Variants in RIMS1 observed in about 807,000 individuals in gnomAD.
The protein encoded by RIMS1 is regulating synaptic membrane exocytosis protein 1.
In RIMS1, 83 loss-of-function variants were observed where a neutral mutation model predicts 214.1. The ratio of observed to expected loss-of-function variants is 0.39; its 90% CI spans 0.32 to 0.47. RIMS1 has a LOEUF of 0.47. RIMS1 is among the 20% of genes least tolerant of loss of function. The probability of loss-of-function intolerance (pLI) is 0.99; values close to 1 mark genes in which losing one functional copy is unlikely to be tolerated. For synonymous variants in RIMS1, 793 were observed against 786.8 expected (o/e 1.01, Z -0.13); for missense variants, 2,050 against 2,161.8 (o/e 0.95, Z 1.03).
chr6:72,052,741 T>C (rs1376823114), intron 2 of RIMS1, among the ~76,000 whole-genome samples: 1 of 152,218 alleles, frequency 6.6e-6, no homozygotes, highest in Non-Finnish European at 1.5e-5. Context: ...CATCTATTTT[T>C]TGCGTATGTG....
At chr6:72,340,235 G>T (rs1263649074) in intron 29 of RIMS1, among the ~76,000 whole-genome samples, 2 of 152,030 alleles carry the variant, frequency 1.3e-5, no homozygotes, top group East Asian at 3.9e-4. Context: ...TCTGTAGGTT[G>T]CCTGTTCACT....
intron 2 of RIMS1, among the ~76,000 whole-genome samples, chr6:72,034,159 A>T (rs1371171986): frequency 6.6e-6 from 1 of 152,168 alleles, no homozygotes; most frequent in Non-Finnish European, 1.5e-5. Flanking sequence ...AAAAAATTAC[A>T]AGTACCCAGT....
rs1245972773 is a variant in RIMS1, at chr6:72,182,992, G to T, written c.1521G>T (p.Glu507Asp). 6.3e-7 allele frequency: 1 copy of T among 1,594,078 alleles called. No homozygotes were observed. The highest frequency in any genetic ancestry group is 1.1e-5 in the South Asian group (1 of 87,776). ...RNDSLSSDQS[E>D]SVRPSPPKPH... The stretch of plus-strand genomic sequence containing the variant: ...ACTCTTTGAGCTCAGACCAGTCCGA[G>T]TCGGTGCGGCCGTCCCCGCCCAAGC... The change falls in exon 6 of 34, where the codon GAG becomes GAT. Residue 507 changes from glutamate to aspartate, a missense_variant. Physicochemically the swap from Glu to Asp is conservative, Grantham distance 45. Around this residue, in one of 6 missense-constraint regions of RIMS1, gnomAD observed 882 missense variants for 828.9 expected, o/e 1.06. Coordinates refer to ENST00000521978, the MANE Select transcript of RIMS1 (RefSeq NM_014989.7).
At chr6:72,006,340 C>T (rs2061100073) in intron 2 of RIMS1, among the ~76,000 whole-genome samples, 1 of 152,162 alleles carries the variant, frequency 6.6e-6, no homozygotes, top group African/African-American at 2.4e-5. Flanking sequence ...AAAGTTGAGA[C>T]TTGGAGGGCG....
rs569810287 is a variant in RIMS1, at chr6:72,223,989, A to G, written c.1679-9784A>G. Among the ~76,000 whole-genome samples the G allele has an allele frequency of 2.1e-4, 32 of 151,986 alleles. No homozygotes were observed. The South Asian group carries it at 6.2e-3, about 30-fold the overall frequency. Reference sequence around the variant, plus strand: ...AAGCCAGTTGCGTAAGTGCACACTAATTATTCCTGATACCAACACCAAAAG... The same window carrying G: ...AAGCCAGTTGCGTAAGTGCACACTAGTTATTCCTGATACCAACACCAAAAG... On this transcript the variant is annotated intron_variant, in intron 6 of 33. Coordinates refer to ENST00000521978, the MANE Select transcript of RIMS1 (RefSeq NM_014989.7).
chr6:72,270,041 T>C (rs2082276177), intron 22 of RIMS1, among the ~76,000 whole-genome samples: 1 of 152,200 alleles, frequency 6.6e-6, no homozygotes, highest in African/African-American at 2.4e-5. Flanking sequence ...TCTATTAAAA[T>C]ACATTGTATT....
chr6:72,291,967 T>A lies in RIMS1; in HGVS notation c.3771T>A (p.Pro1257=). 6.4e-7 allele frequency: 1 copy of A among 1,563,660 alleles called. No individual in the cohort carries two copies. Among genetic ancestry groups the A allele is most frequent in the Non-Finnish European group, 8.7e-7 (1 of 1,154,124 alleles). ...MHRQRSPTQS[P]PADTSFSSRR... ...GACAGAGAAGTCCAACACAATCTCCTCCAGCAGACACATCGTTCAGCAGTC... is the reference window on the plus strand; with the variant it reads ...GACAGAGAAGTCCAACACAATCTCCACCAGCAGACACATCGTTCAGCAGTC... Residue 1257 remains proline, a synonymous_variant, in exon 26 of 34, where the codon CCT becomes CCA. Coordinates refer to ENST00000521978, the MANE Select transcript of RIMS1 (RefSeq NM_014989.7).
intron 6 of RIMS1, 38 bp downstream of exon 6, chr6:72,183,187 A>G: frequency 6.4e-7 from 1 of 1,572,618 alleles, no homozygotes. Context: ...GACTTCAGCC[A>G]AGTGAAGAGG....
intron 23 of RIMS1, among the ~76,000 whole-genome samples, chr6:72,279,445 A>T (rs899109914): frequency 2.0e-5 from 3 of 151,992 alleles, no homozygotes; most frequent in African/African-American, 4.8e-5. Flanking sequence ...GTACATTGTG[A>T]ACTAGAAAGC....
At chr6:72,282,964 G>C (rs1407665986) in intron 23 of RIMS1, among the ~76,000 whole-genome samples, 1 of 152,052 alleles carries the variant, frequency 6.6e-6, no homozygotes, top group Non-Finnish European at 1.5e-5. Context: ...GAGATTGGGA[G>C]AGATGAGCAG....
At chr6:72,007,074 A>C (rs1300886750) in intron 2 of RIMS1, among the ~76,000 whole-genome samples, 2 of 152,146 alleles carry the variant, frequency 1.3e-5, no homozygotes, top group Non-Finnish European at 2.9e-5. Context: ...AGGCCCCCCC[A>C]AGTAGGGGCA....
chr6:72,309,668 A>C (rs574923891), intron 27 of RIMS1, among the ~76,000 whole-genome samples: 2 of 152,016 alleles, frequency 1.3e-5, no homozygotes, highest in African/African-American at 2.4e-5. Flanking sequence ...TATTACTTTC[A>C]GATATAGTAC....
chr6:72,052,841 T>C (rs1476868513), intron 2 of RIMS1, among the ~76,000 whole-genome samples: 1 of 152,164 alleles, frequency 6.6e-6, no homozygotes, highest in African/African-American at 2.4e-5. Flanking sequence ...ATTTGATCTG[T>C]TTTTTGTCAG....
At chr6:72,368,403 G>A (rs964944416) in intron 29 of RIMS1, among the ~76,000 whole-genome samples, 1 of 143,468 alleles carries the variant, frequency 7.0e-6, no homozygotes, top group African/African-American at 2.6e-5. Context: ...ACAGGTTCAC[G>A]CCATTCTCCT....
chr6:71,974,032 C>A (rs531006958), intron 2 of RIMS1, among the ~76,000 whole-genome samples: 2 of 152,114 alleles, frequency 1.3e-5, no homozygotes, highest in South Asian at 4.2e-4. Flanking sequence ...GGTCAGTGGG[C>A]AAATCACATA....
intron 26 of RIMS1, among the ~76,000 whole-genome samples, chr6:72,303,006 G>T (rs1050507210): frequency 6.6e-6 from 1 of 150,680 alleles, no homozygotes; most frequent in African/African-American, 2.4e-5. Context: ...AAATGTGAAA[G>T]ATTTAAGGAA....
intron 2 of RIMS1, among the ~76,000 whole-genome samples, chr6:72,007,723 G>A (rs902420086): frequency 5.3e-5 from 8 of 152,156 alleles, no homozygotes; most frequent in African/African-American, 7.2e-5. Context: ...AAAAGGTATC[G>A]GTGATGGAAG....
intron 19 of RIMS1, among the ~76,000 whole-genome samples, chr6:72,264,191 A>G (rs1205309524): frequency 6.6e-6 from 1 of 152,156 alleles, no homozygotes; most frequent in Non-Finnish European, 1.5e-5. Flanking sequence ...ATGGATTTTC[A>G]TAATTAGTAA....
At chr6:72,124,113 G>A (rs1587607887) in intron 4 of RIMS1, among the ~76,000 whole-genome samples, 1 of 151,910 alleles carries the variant, frequency 6.6e-6, no homozygotes, top group African/African-American at 2.4e-5. Context: ...GCTGGTCCCA[G>A]TTGTTCCTTT....
Sources: gnomAD v4.1 joint callset for allele counts (sites outside exome capture counted in the v4.1 genomes callset) on GRCh38, gnomAD v4.1.1 for gene constraint, gnomAD v4.1.1 regional missense constraint, MANE v1.5 for transcripts, NCBI Gene and HGNC (gene_info 2026-07-23, HGNC 2026-07-21) for gene names.